CCDC171: variants seen among roughly 807,000 people sequenced by gnomAD.
The protein encoded by CCDC171 is coiled-coil domain containing 171.
Under a neutral mutation model 168.2 loss-of-function variants are expected in CCDC171, and 177 were observed. The ratio of observed to expected loss-of-function variants is 1.05; its 90% CI spans 0.93 to 1.19. The LOEUF is 1.19. Among genes scored for constraint, CCDC171 ranks in the 50% most tolerant of loss-of-function variants. The pLI is 0.00. For synonymous variants in CCDC171, 687 were observed against 540.8 expected (o/e 1.27, Z -3.75); for missense variants, 1,991 against 1,539.0 (o/e 1.29, Z -4.91).
intron 10 of CCDC171, among the ~76,000 whole-genome samples, chr9:15,692,444 G>C (rs1293533911): frequency 6.6e-6 from 1 of 150,484 alleles, no homozygotes; most frequent in Non-Finnish European, 1.5e-5. Context: ...CTAACTTTTT[G>C]ATGATAGAAA....
At chr9:15,595,031 A>G (rs2042241148) in intron 6 of CCDC171, among the ~76,000 whole-genome samples, 1 of 152,202 alleles carries the variant, frequency 6.6e-6, no homozygotes, top group Non-Finnish European at 1.5e-5. Context: ...AAAGATATGC[A>G]TTTTTCACAA....
At chr9:15,707,485 T>C (rs1283834466) in intron 11 of CCDC171, among the ~76,000 whole-genome samples, 2 of 152,244 alleles carry the variant, frequency 1.3e-5, no homozygotes, top group African/African-American at 4.8e-5. Flanking sequence ...GACTATGCCA[T>C]TTAACTTTAT....
chr9:15,869,947 A>G (rs984365121), intron 23 of CCDC171, among the ~76,000 whole-genome samples: 3 of 151,876 alleles, frequency 2.0e-5, no homozygotes, highest in East Asian at 3.9e-4. Context: ...TCTTTCTTCT[A>G]TATCTCCAGA....
intron 6 of CCDC171, among the ~76,000 whole-genome samples, chr9:15,622,705 T>C (rs887703999): frequency 1.3e-5 from 2 of 152,216 alleles, no homozygotes; most frequent in Admixed American, 6.5e-5. Context: ...GATTTTAGTA[T>C]AAGACTACCT....
chr9:15,690,874 C>G (rs1255270374), intron 10 of CCDC171, among the ~76,000 whole-genome samples: 2 of 151,968 alleles, frequency 1.3e-5, no homozygotes, highest in Non-Finnish European at 1.5e-5. Context: ...ATACAGATGG[C>G]TAGTGAACAT....
chr9:15,779,296 T>A, intron 20 of CCDC171, 146 bp downstream of exon 20: 1 of 486,574 alleles, frequency 2.1e-6, no homozygotes, highest in South Asian at 6.7e-5. Flanking sequence ...TCAGAAAACT[T>A]CCTGTCTAAA....
intron 1 of CCDC171, among the ~76,000 whole-genome samples, chr9:15,561,755 AAC>A (rs775857948): frequency 1.1e-4 from 17 of 152,216 alleles, no homozygotes; most frequent in Admixed American, 2.0e-4. Context: ...GTCTTCCTAA[AAC>A]ACACAGAGAA....
At chr9:15,858,973 G>T (rs1268348487) in intron 23 of CCDC171, among the ~76,000 whole-genome samples, 1 of 152,098 alleles carries the variant, frequency 6.6e-6, no homozygotes, top group South Asian at 2.1e-4. Flanking sequence ...TGATTTTAGA[G>T]GAAAAGCTTT....
chr9:16,036,972 T>C (rs1285082461), intron 8 of CCDC171, among the ~76,000 whole-genome samples: 1 of 152,176 alleles, frequency 6.6e-6, no homozygotes, highest in Admixed American at 6.5e-5. Flanking sequence ...GAAAAAGTTG[T>C]GCTCATAGAA....
chr9:15,762,701 TA>T (rs2056515621), intron 18 of CCDC171, among the ~76,000 whole-genome samples: 1 of 152,202 alleles, frequency 6.6e-6, no homozygotes, highest in Non-Finnish European at 1.5e-5. Context: ...TATTTGACTA[TA>T]AAATTTGACT....
At chr9:15,760,300 T>TA (rs961186829) in intron 18 of CCDC171, among the ~76,000 whole-genome samples, 3 of 152,298 alleles carry the variant, frequency 2.0e-5, no homozygotes, top group South Asian at 2.1e-4. Context: ...TGTTCTAAGG[T>TA]AAAAAACATT....
intron 24 of CCDC171, among the ~76,000 whole-genome samples, chr9:15,902,021 T>C (rs1018018959): frequency 6.6e-6 from 1 of 152,148 alleles, no homozygotes; most frequent in East Asian, 1.9e-4. Context: ...AGATGAGGGT[T>C]ACAAATCTGT....
intron 3 of CCDC171, among the ~76,000 whole-genome samples, chr9:15,994,271 T>C (rs1449914759): frequency 6.6e-6 from 1 of 152,036 alleles, no homozygotes; most frequent in African/African-American, 2.4e-5. Context: ...AAAGGATGAG[T>C]TCATGTCCTT....
At position 15,745,518 on chromosome 9, in the gene CCDC171, A is replaced by G; in HGVS notation, c.2558A>G (p.His853Arg). 1 of 1,544,810 alleles carries G rather than the reference A, an allele frequency of 6.5e-7. No homozygotes were observed. Among genetic ancestry groups the G allele is most frequent in the Non-Finnish European group, 8.7e-7 (1 of 1,152,296 alleles). Residue 853 changes from histidine (H) to arginine (R), a missense_variant, in exon 18 of 26, where the codon CAT becomes CGT. His to Arg is a conservative substitution (Grantham distance 29, BLOSUM62 0). Transcript: ENST00000380701. Reference protein sequence around the residue: ...EPQDKHKFPKHQKEQLRCLQA... With the variant: ...EPQDKHKFPKRQKEQLRCLQA... ...ATGGATTTTTTCAATTTTATAGAAC[A>G]TCAAAAGGAGCAGTTGCGTTGTTTA...
intron 3 of CCDC171, among the ~76,000 whole-genome samples, chr9:16,004,831 G>T (rs1164258505): frequency 6.6e-6 from 1 of 152,140 alleles, no homozygotes. Context: ...GAAGTTAAGA[G>T]TTGCAGGAAG....
chr9:16,031,028 T>C (rs1205320127), intron 6 of CCDC171, among the ~76,000 whole-genome samples: 3 of 152,188 alleles, frequency 2.0e-5, no homozygotes, highest in East Asian at 1.9e-4. Context: ...GGCCAGAGGT[T>C]TGAGTTTAAG....
downstream of CCDC171, among the ~76,000 whole-genome samples, chr9:16,064,078 C>A (rs531854082): frequency 2.6e-5 from 4 of 152,334 alleles, no homozygotes; most frequent in South Asian, 8.3e-4. Context: ...CCTCATGACT[C>A]GATGAGCAAT....
intron 2 of CCDC171, among the ~76,000 whole-genome samples, chr9:15,567,944 C>T (rs1381954205): frequency 6.6e-6 from 1 of 150,406 alleles, no homozygotes; most frequent in Non-Finnish European, 1.5e-5. Flanking sequence ...GAGCCACCAT[C>T]CCTGGCCTTG....
chr9:15,570,889 A>G (rs2040172028), intron 2 of CCDC171, among the ~76,000 whole-genome samples: 1 of 152,228 alleles, frequency 6.6e-6, no homozygotes, highest in Non-Finnish European at 1.5e-5. Flanking sequence ...TATCCTCTCC[A>G]GGGAATAAAC....
Sources: gnomAD v4.1 joint callset for allele counts (sites outside exome capture counted in the v4.1 genomes callset) on GRCh38, gnomAD v4.1.1 for gene constraint, MANE v1.5 for transcripts, NCBI Gene and HGNC (gene_info 2026-07-23, HGNC 2026-07-21) for gene names.